PREX2: variants seen among roughly 807,000 people sequenced by gnomAD.
PREX2 encodes the protein phosphatidylinositol 3,4,5-trisphosphate-dependent Rac exchanger 2 protein.
PREX2 carries 107 observed loss-of-function variants against 203.2 expected under a neutral mutation model. The ratio of observed to expected loss-of-function variants is 0.53; its 90% confidence interval spans 0.45 to 0.62. The LOEUF is 0.62. Among genes scored for constraint, PREX2 ranks in the 20% least tolerant of loss-of-function variants. The probability of loss-of-function intolerance (pLI) is 0.00; values close to 1 mark genes in which losing one functional copy is unlikely to be tolerated. For synonymous variants in PREX2, 672 were observed against 663.6 expected, an observed-to-expected ratio of 1.01 and a Z score of -0.19; for missense variants, 1,777 against 1,955.9, an observed-to-expected ratio of 0.91 and a Z score of 1.72.
chr8:68,084,385 T>C (rs1809621406), intron 18 of PREX2, among the ~76,000 whole-genome samples: 1 of 152,148 alleles, frequency 6.6e-6, no homozygotes, highest in African/African-American at 2.4e-5. Context: ...GCAGTATTCT[T>C]CCCTGCCTTA....
chr8:68,214,510 T>C (rs1812797684), intron 37 of PREX2, among the ~76,000 whole-genome samples: 1 of 152,166 alleles, frequency 6.6e-6, no homozygotes. Flanking sequence ...AGAAAGTGCC[T>C]GTAAAATCAA....
chr8:68,111,026 A>G (rs548292699), intron 25 of PREX2: 29 of 370,870 alleles, frequency 7.8e-5, no homozygotes, highest in South Asian at 1.4e-4. Flanking sequence ...TCCTTGTGAC[A>G]GCAGTTTATA....
intron 11 of PREX2, among the ~76,000 whole-genome samples, chr8:68,065,593 C>A (rs1808994514): frequency 6.6e-6 from 1 of 152,096 alleles, no homozygotes; most frequent in Non-Finnish European, 1.5e-5. Context: ...TTTTGACTTT[C>A]TTCTGGATGC....
At chr8:68,192,178 A>G (rs1208388623) in intron 36 of PREX2, among the ~76,000 whole-genome samples, 157 bp from the exon 37 acceptor site, 1 of 152,236 alleles carries the variant, frequency 6.6e-6, no homozygotes, top group Non-Finnish European at 1.5e-5. Flanking sequence ...TGTTCATGTC[A>G]GAGACATATG....
At chr8:68,221,519 T>C (rs1039487241) in intron 38 of PREX2, among the ~76,000 whole-genome samples, 1 of 152,208 alleles carries the variant, frequency 6.6e-6, no homozygotes, top group Admixed American at 6.5e-5. Context: ...GTACCTGATA[T>C]GGTGAGTGAC....
chr8:68,015,117 T>A (rs1807377030), intron 1 of PREX2, among the ~76,000 whole-genome samples: 2 of 152,248 alleles, frequency 1.3e-5, no homozygotes, highest in African/African-American at 4.8e-5. Context: ...ACTAGGCTAC[T>A]AATGCTTCCT....
chr8:68,225,856 A>G (rs1813047829), intron 39 of PREX2, among the ~76,000 whole-genome samples: 1 of 152,216 alleles, frequency 6.6e-6, no homozygotes, highest in Non-Finnish European at 1.5e-5. Flanking sequence ...ATATTTGGAT[A>G]ATAGACACAG....
intron 1 of PREX2, among the ~76,000 whole-genome samples, chr8:67,999,344 C>T (rs1346814989): frequency 2.6e-5 from 4 of 151,814 alleles, no homozygotes; most frequent in African/African-American, 9.7e-5. Context: ...TGAATGTGAA[C>T]TAGAAAAACT....
At chr8:68,217,780 G>A (rs1390952528) in intron 38 of PREX2, 62 bp downstream of exon 38, 2 of 1,217,688 alleles carry the variant, frequency 1.6e-6, no homozygotes, top group Non-Finnish European at 2.3e-6. Flanking sequence ...AGATTCCTTT[G>A]TTCATTTATC....
chr8:68,233,249 T>C lies in PREX2; in HGVS notation c.*1871T>C, dbSNP rs1310296166. 3 of 152,188 alleles carry C rather than the reference T, an allele frequency of 2.0e-5. No individual in the cohort carries two copies. The highest frequency in any genetic ancestry group is 7.2e-5 in the African/African-American group (3 of 41,458). The allele number at this position is 152,188 out of a possible 1,614,324, so 9.4% of individuals were successfully genotyped here. A position where few individuals can be genotyped will look rare whatever the true frequency, so the allele number is the denominator to read the frequency against. On this transcript the variant is annotated 3_prime_UTR_variant, in exon 40 of 40. Coordinates refer to ENST00000288368, the MANE Select transcript of PREX2 (RefSeq NM_024870.4). Reference sequence around the variant, plus strand: ...GGACTAATAAAGGAACACAGCTGATTAGCTAGCAAGTCCTTTCATATTGTC... The same window carrying C: ...GGACTAATAAAGGAACACAGCTGATCAGCTAGCAAGTCCTTTCATATTGTC...
rs570424325 is a variant in PREX2, at chr8:68,207,625, G to T, written c.4605-9991G>T. 1.4e-4 allele frequency among the ~76,000 whole-genome samples: 21 copies of T among 152,066 alleles called. No homozygotes were observed. In the South Asian group the frequency reaches 4.2e-3, roughly 30 times the overall value. On this transcript the variant is annotated intron_variant, in intron 37 of 39. Transcript: ENST00000288368. The stretch of plus-strand genomic sequence containing the variant: ...AACGTTTATTGAGAATAAATGACAC[G>T]CTATACTTCATACTAAGTATTAGGC...
At chr8:68,207,560 C>G (rs1400999249) in intron 37 of PREX2, among the ~76,000 whole-genome samples, 1 of 151,020 alleles carries the variant, frequency 6.6e-6, no homozygotes, top group Non-Finnish European at 1.5e-5. Context: ...GACACCAGTA[C>G]AGCCTGGTGG....
chr8:68,074,841 A>T lies in PREX2; in HGVS notation c.1569+2271A>T, dbSNP rs77248559. On this transcript the variant is annotated intron_variant, in intron 14 of 39. Coordinates refer to ENST00000288368, the MANE Select transcript of PREX2 (RefSeq NM_024870.4). ...CTACTATGATTGGAGTATATTCTAGAGCCTATAGTTTTTCTCTTATTCTGC... is the reference window on the plus strand; with the variant it reads ...CTACTATGATTGGAGTATATTCTAGTGCCTATAGTTTTTCTCTTATTCTGC... Among the ~76,000 whole-genome samples the T allele has an allele frequency of 9.5e-4, 144 of 152,246 alleles. 2 individuals are homozygous for T. In the East Asian group the frequency reaches 0.027, roughly 28 times the overall value.
intron 14 of PREX2, among the ~76,000 whole-genome samples, chr8:68,075,452 G>T (rs1251477632): frequency 6.6e-6 from 1 of 152,154 alleles, no homozygotes; most frequent in African/African-American, 2.4e-5. Context: ...ACCCTCTAAA[G>T]CTCTGCTGCA....
intron 37 of PREX2, among the ~76,000 whole-genome samples, chr8:68,193,164 G>A (rs963270427): frequency 1.3e-5 from 2 of 152,182 alleles, no homozygotes; most frequent in African/African-American, 4.8e-5. Flanking sequence ...GAATCCCTGA[G>A]TCAAGTCCCT....
At chr8:68,218,706 A>G (rs1243897960) in intron 38 of PREX2, among the ~76,000 whole-genome samples, 1 of 152,248 alleles carries the variant, frequency 6.6e-6, no homozygotes, top group Non-Finnish European at 1.5e-5. Context: ...AACAAAGCCC[A>G]TGAAAAAGTC....
At chr8:68,116,394 T>A (rs1216660432) in intron 26 of PREX2, among the ~76,000 whole-genome samples, 1 of 152,196 alleles carries the variant, frequency 6.6e-6, no homozygotes, top group Non-Finnish European at 1.5e-5. Context: ...AGACAAGGCT[T>A]GTGGTTTTTA....
chr8:68,163,819 C>T (rs1349030208), intron 35 of PREX2, among the ~76,000 whole-genome samples: 2 of 152,086 alleles, frequency 1.3e-5, no homozygotes, highest in Non-Finnish European at 2.9e-5. Context: ...ATCTAAACTC[C>T]CAAGGAAATG....
At chr8:67,979,401 G>T (rs1806202173) in intron 1 of PREX2, among the ~76,000 whole-genome samples, 1 of 151,982 alleles carries the variant, frequency 6.6e-6, no homozygotes, top group Non-Finnish European at 1.5e-5. Context: ...GTATCACTGG[G>T]GCTATTTACT....
Sources: allele counts gnomAD v4.1 joint callset (sites outside exome capture counted in the v4.1 genomes callset), GRCh38; gene constraint gnomAD v4.1.1; transcripts MANE v1.5; gene names NCBI Gene and HGNC (gene_info 2026-07-23, HGNC 2026-07-21).